Variants in GALNT14 observed in about 807,000 individuals in gnomAD.
GALNT14 encodes the protein UDP-GalNAc:polypeptide N-acetylgalactosaminyltransferase 14.
In GALNT14, 60 loss-of-function variants were observed where a neutral mutation model predicts 77.5. That is an observed-to-expected ratio of 0.77 (90% CI 0.63 to 0.96). GALNT14 has a LOEUF of 0.96. GALNT14 is among the 40% of genes least tolerant of loss of function. The pLI, the probability that GALNT14 is intolerant of heterozygous loss-of-function variation, is 0.00. For missense variants in GALNT14, 710 were observed against 731.0 expected, an observed-to-expected ratio of 0.97 and a Z score of 0.33; for synonymous variants, 280 against 281.7, an observed-to-expected ratio of 0.99 and a Z score of 0.06.
chr2:30,971,849 G>A (rs1363922227), intron 2 of GALNT14, among the ~76,000 whole-genome samples: 2 of 152,190 alleles, frequency 1.3e-5, no homozygotes, highest in East Asian at 1.9e-4. Context: ...GTCATGATGC[G>A]TGCGATGCCT....
Position 30,955,642 on chromosome 2 carries a change from C to G in GALNT14, c.630G>C (p.Gln210His). ...SHCEVNRDWL[Q>H]PLLHRVKEDY... Reference sequence around the variant, plus strand: ...CCTCTTTGACCCTGTGCAACAGAGGCTGGAGCCAGTCCCTGTTCACCTCAC... The same window carrying G: ...CCTCTTTGACCCTGTGCAACAGAGGGTGGAGCCAGTCCCTGTTCACCTCAC... The change falls in exon 6 of 15, where the codon CAG (glutamine) becomes CAC (histidine). Residue 210 changes from glutamine to histidine, a missense_variant. By Grantham distance (24) the Gln-to-His change is conservative. Transcript: ENST00000349752. 1 of 1,614,200 alleles carries G rather than the reference C, an allele frequency of 6.2e-7. No homozygotes were observed. The highest frequency in any genetic ancestry group is 8.5e-7 in the Non-Finnish European group (1 of 1,180,038).
chr2:31,124,844 C>A (rs1558584915), intron 1 of GALNT14, among the ~76,000 whole-genome samples: 1 of 152,326 alleles, frequency 6.6e-6, no homozygotes, highest in Middle Eastern at 3.4e-3. Flanking sequence ...AAGCACCCAG[C>A]ATTTCTCCTA....
At chr2:31,128,581 G>A (rs1558587312) in intron 1 of GALNT14, among the ~76,000 whole-genome samples, 1 of 152,118 alleles carries the variant, frequency 6.6e-6, no homozygotes, top group South Asian at 2.1e-4. Context: ...TTCTAACTTG[G>A]AGCAGCCTAG....
intron 2 of GALNT14, among the ~76,000 whole-genome samples, chr2:30,988,252 G>A (rs912650357): frequency 3.3e-5 from 5 of 152,238 alleles, no homozygotes; most frequent in Admixed American, 6.5e-5. Context: ...GAGGGCAACT[G>A]ATATCAGTAG....
intron 10 of GALNT14, among the ~76,000 whole-genome samples, chr2:30,930,434 T>A (rs1257016762): frequency 1.3e-5 from 2 of 152,230 alleles, no homozygotes; most frequent in African/African-American, 4.8e-5. Flanking sequence ...CTCTAGTTTT[T>A]AAAATCAGGT....
At chr2:30,924,599 C>A in intron 12 of GALNT14, 141 bp downstream of exon 12, 1 of 663,046 alleles carries the variant, frequency 1.5e-6, no homozygotes, top group Admixed American at 2.8e-5. Context: ...TAGGGGTGAA[C>A]GGAGCCAACT....
Position 31,013,167 on chromosome 2 carries a change from G to A in GALNT14, c.130-20160C>T, listed in dbSNP as rs376108826. 1.0e-3 allele frequency among the ~76,000 whole-genome samples: 152 copies of A among 152,232 alleles called. 2 individuals are homozygous for A. In the South Asian group the frequency reaches 0.019, roughly 19 times the overall value. ...AAATTATTAAAGCAACTACAGGAGAGAATAAAATGTATAGAAAGAGCAAAG... is the reference window on the plus strand; with the variant it reads ...AAATTATTAAAGCAACTACAGGAGAAAATAAAATGTATAGAAAGAGCAAAG... On this transcript the variant is annotated intron_variant, in intron 1 of 14. Transcript: ENST00000349752.
chr2:30,905,443 C>G, the GALNT14 span, among the ~76,000 whole-genome samples: 232 of 152,106 alleles, frequency 1.5e-3, no homozygotes, highest in Middle Eastern at 0.02. Flanking sequence ...ATGCGATCAA[C>G]TGGAAGAAAG....
intron 1 of GALNT14, among the ~76,000 whole-genome samples, chr2:31,050,318 C>G (rs376345287): frequency 6.6e-6 from 1 of 152,116 alleles, no homozygotes; most frequent in Admixed American, 6.5e-5. Context: ...ACCAAGCGGC[C>G]GAGGCGGCTC....
intron 1 of GALNT14, among the ~76,000 whole-genome samples, chr2:31,018,841 G>A (rs1004595210): frequency 6.6e-6 from 1 of 152,120 alleles, no homozygotes; most frequent in African/African-American, 2.4e-5. Flanking sequence ...TGGCCTGCAG[G>A]CTCAGCAGCT....
intron 1 of GALNT14, among the ~76,000 whole-genome samples, chr2:31,111,904 G>A (rs1677855569): frequency 6.6e-6 from 1 of 151,652 alleles, no homozygotes; most frequent in Non-Finnish European, 1.5e-5. Context: ...TAGGCCATCA[G>A]AAGTACGGTC....
At chr2:31,027,746 G>A (rs1672154214) in intron 1 of GALNT14, among the ~76,000 whole-genome samples, 2 of 152,342 alleles carry the variant, frequency 1.3e-5, no homozygotes, top group South Asian at 4.1e-4. Context: ...AAATGGGAAT[G>A]TAAATTAAAT....
At chr2:30,914,163 A>C (rs1004345600) in intron 13 of GALNT14, among the ~76,000 whole-genome samples, 4 of 152,194 alleles carry the variant, frequency 2.6e-5, no homozygotes, top group Non-Finnish European at 5.9e-5. Flanking sequence ...TTTTCATAAG[A>C]ATCCTATTAA....
intron 1 of GALNT14, among the ~76,000 whole-genome samples, chr2:31,019,433 T>G (rs1573174286): frequency 6.6e-6 from 1 of 152,264 alleles, no homozygotes; most frequent in South Asian, 2.1e-4. Context: ...CACTGTCATT[T>G]TGAGGGGACT....
intron 14 of GALNT14, among the ~76,000 whole-genome samples, chr2:30,911,656 A>C (rs1175866062): frequency 6.6e-6 from 1 of 152,194 alleles, no homozygotes; most frequent in Non-Finnish European, 1.5e-5. Flanking sequence ...CATTTCAGAG[A>C]GGAGGAAATG....
At chr2:30,916,534 A>C (rs2148208837) in intron 13 of GALNT14, among the ~76,000 whole-genome samples, 1 of 152,328 alleles carries the variant, frequency 6.6e-6, no homozygotes, top group South Asian at 2.1e-4. Flanking sequence ...GAGGGGAGTC[A>C]CCAATGAATG....
chr2:31,080,064 T>C (rs1354800637), intron 1 of GALNT14, among the ~76,000 whole-genome samples: 1 of 152,172 alleles, frequency 6.6e-6, no homozygotes, highest in Non-Finnish European at 1.5e-5. Context: ...TACACATCAA[T>C]GAAAACAGTG....
At chr2:31,032,731 C>G (rs1037877747) in intron 1 of GALNT14, among the ~76,000 whole-genome samples, 2 of 152,108 alleles carry the variant, frequency 1.3e-5, no homozygotes, top group South Asian at 2.1e-4. Flanking sequence ...CATTGCTGAG[C>G]GATCAAGGTC....
chr2:30,932,219 A>G (rs1221557540), intron 9 of GALNT14, 25 bp from the exon 10 acceptor site: 2 of 1,436,222 alleles, frequency 1.4e-6, no homozygotes, highest in African/African-American at 2.9e-5. Flanking sequence ...CGCCCCTCCT[A>G]TGACCTCTTA....
Sources: allele counts gnomAD v4.1 joint callset (sites outside exome capture counted in the v4.1 genomes callset), GRCh38; gene constraint gnomAD v4.1.1; transcripts MANE v1.5; gene names NCBI Gene and HGNC (gene_info 2026-07-23, HGNC 2026-07-21).